The following TULP4 variants were observed in gnomAD, a reference collection of about 807,000 sequenced individuals.
TULP4 encodes the protein tubby-related protein 4.
A neutral mutation model predicts 129.0 loss-of-function variants in TULP4; 16 were observed. The ratio of observed to expected loss-of-function variants is 0.12; its 90% CI spans 0.08 to 0.19. TULP4 has a LOEUF of 0.19. Among genes scored for constraint, TULP4 ranks in the 10% least tolerant of loss-of-function variants. TULP4 has a pLI of 1.00. For missense variants in TULP4, 1,842 were observed against 2,059.1 expected, an observed-to-expected ratio of 0.89 and a Z score of 2.04; for synonymous variants, 998 against 854.0, an observed-to-expected ratio of 1.17 and a Z score of -2.94.
rs574773644 is a variant in TULP4 at position 158,401,471 on chromosome 6, C to A, written c.253-11594C>A. On this transcript the variant is annotated intron_variant, in intron 1 of 13. Coordinates refer to ENST00000367097, the MANE Select transcript of TULP4 (RefSeq NM_020245.5). ...ACGCAGTTTGCTTTTATCTGTGGAA[C>A]ATATTGTGTGTCAGAAGTGTGAAGT... 8.5e-5 allele frequency among the ~76,000 whole-genome samples: 13 copies of A among 152,260 alleles called. No homozygotes were observed. The East Asian group carries it at 2.3e-3, about 27-fold the overall frequency.
intron 1 of TULP4, among the ~76,000 whole-genome samples, chr6:158,330,263 T>C (rs1325410536): frequency 6.6e-6 from 1 of 152,250 alleles, no homozygotes; most frequent in Non-Finnish European, 1.5e-5. Context: ...GACAAGTCTC[T>C]TTCTTTTTGA....
At chr6:158,401,833 A>G (rs1297130836) in intron 1 of TULP4, among the ~76,000 whole-genome samples, 3 of 151,840 alleles carry the variant, frequency 2.0e-5, no homozygotes, top group African/African-American at 7.3e-5. Context: ...TTTAAAAAAT[A>G]TATAGGACTT....
At chr6:158,242,215 C>A in intron 1 of TULP4, 1 of 1,480,126 alleles carries the variant, frequency 6.8e-7, no homozygotes, top group Non-Finnish European at 9.4e-7. Context: ...GTGGCAAAGA[C>A]CTTCAGCTTT....
chr6:158,342,129 G>A (rs1037616879), intron 1 of TULP4, among the ~76,000 whole-genome samples: 12 of 152,212 alleles, frequency 7.9e-5, no homozygotes, highest in Non-Finnish European at 1.5e-4. Flanking sequence ...TGTTGGCCAG[G>A]CTGGTCTTGA....
In TULP4 at chr6:158,305,661, C is replaced by T. The variant is rs571927315; in HGVS notation, n.117-6390C>T. Among the ~76,000 whole-genome samples the T allele has an allele frequency of 2.7e-5, 4 of 149,680 alleles. 1 individual carries two copies. The highest frequency in any genetic ancestry group is 2.0e-4 in the East Asian group (1 of 5,106). On this transcript the variant is annotated intron_variant and non_coding_transcript_variant, in intron 1 of 1. Transcript: ENST00000432358. ...TCAAGGCTGCAGTGAGTTGTGATCA[C>T]GTCTCTGCACTCCAGCCCGAAAGAC...
chr6:158,359,301 T>C (rs950626277), intron 1 of TULP4, among the ~76,000 whole-genome samples: 1 of 152,186 alleles, frequency 6.6e-6, no homozygotes, highest in Admixed American at 6.5e-5. Flanking sequence ...GGTTATATTC[T>C]CAAAGGAAAC....
intron 1 of TULP4, among the ~76,000 whole-genome samples, chr6:158,236,795 C>CTTTTTTTTTTTTTTTTTTTTTTTTTT (rs71030149): frequency 9.5e-5 from 6 of 63,298 alleles, no homozygotes; most frequent in East Asian, 3.2e-4. Flanking sequence ...CAATTCTTTT[C>CTTTTTTTTTTTTTTTTTTTTTTTTTT]TTTTTTTTTT....
At chr6:158,452,329 G>A (rs545483128) in intron 5 of TULP4, 61 bp downstream of exon 5, 4 of 1,593,110 alleles carry the variant, frequency 2.5e-6, no homozygotes, top group African/African-American at 2.7e-5. Flanking sequence ...TTGCCTCAAG[G>A]CCGGTCTTGT....
chr6:158,402,648 G>A (rs978405759), intron 1 of TULP4, among the ~76,000 whole-genome samples: 2 of 152,174 alleles, frequency 1.3e-5, no homozygotes, highest in Admixed American at 6.5e-5. Flanking sequence ...TGTACATTTT[G>A]TTGTAGATCA....
At chr6:158,352,995 A>G (rs1780562554) in intron 1 of TULP4, among the ~76,000 whole-genome samples, 1 of 152,196 alleles carries the variant, frequency 6.6e-6, no homozygotes, top group African/African-American at 2.4e-5. Flanking sequence ...TAAATTTTAC[A>G]ATCATTTTTT....
chr6:158,274,999 G>C (rs887920559), intron 1 of TULP4, among the ~76,000 whole-genome samples: 4 of 152,182 alleles, frequency 2.6e-5, no homozygotes, highest in African/African-American at 7.2e-5. Context: ...GCTCCCTGAA[G>C]GCTAGAGTTT....
chr6:158,354,651 A>G (rs1444364356), intron 1 of TULP4, among the ~76,000 whole-genome samples: 2 of 152,250 alleles, frequency 1.3e-5, no homozygotes, highest in East Asian at 3.9e-4. Flanking sequence ...CCAGCACTTT[A>G]GGAGGCCAAG....
Position 158,313,947 on chromosome 6 carries a change from T to A in TULP4, c.-70T>A. 1 of 1,558,498 alleles carries A rather than the reference T, an allele frequency of 6.4e-7. No individual in the cohort carries two copies. The highest frequency in any genetic ancestry group is 8.7e-7 in the Non-Finnish European group (1 of 1,151,228). Reference sequence around the variant, plus strand: ...CCAACCACAAAAACACATATACCAATGAAAGAAATTGGTTTAAATTTCACA... The same window carrying A: ...CCAACCACAAAAACACATATACCAAAGAAAGAAATTGGTTTAAATTTCACA... On this transcript the variant is annotated 5_prime_UTR_variant, in exon 1 of 14. The change abolishes an upstream ATG in the 5' untranslated region. Transcript: ENST00000367097.
chr6:158,381,411 T>C (rs1777322715), intron 1 of TULP4, among the ~76,000 whole-genome samples: 1 of 152,212 alleles, frequency 6.6e-6, no homozygotes, highest in Non-Finnish European at 1.5e-5. Flanking sequence ...TTAAATGGGA[T>C]GATTAAAGGC....
At chr6:158,370,358 G>A (rs1038557294) in intron 1 of TULP4, among the ~76,000 whole-genome samples, 1 of 150,002 alleles carries the variant, frequency 6.7e-6, no homozygotes, top group Non-Finnish European at 1.5e-5. Flanking sequence ...TCAGGAGGCC[G>A]AGGCAGGAGA....
chr6:158,485,516 C>T (rs116634652), intron 8 of TULP4, among the ~76,000 whole-genome samples: 1,920 of 152,312 alleles, frequency 0.013, 45 homozygotes, highest in African/African-American at 0.043. Flanking sequence ...CTTTGACCAG[C>T]TGGGATGATG....
intron 1 of TULP4, among the ~76,000 whole-genome samples, chr6:158,343,674 G>A (rs1780238038): frequency 6.6e-6 from 1 of 152,138 alleles, no homozygotes; most frequent in African/African-American, 2.4e-5. Flanking sequence ...CCAGGACTGT[G>A]GGAAATAAAT....
chr6:158,246,928 C>T (rs1778041579), intron 1 of TULP4, among the ~76,000 whole-genome samples: 1 of 152,160 alleles, frequency 6.6e-6, no homozygotes, highest in Non-Finnish European at 1.5e-5. Flanking sequence ...TGTAGGTGTG[C>T]AGCAGTGCTG....
chr6:158,381,911 TG>T (rs1419996265), intron 1 of TULP4, among the ~76,000 whole-genome samples: 3 of 152,208 alleles, frequency 2.0e-5, no homozygotes, highest in Non-Finnish European at 4.4e-5. Flanking sequence ...CAGTTGTTAT[TG>T]TTTTTTTGTT....
Sources: allele counts gnomAD v4.1 joint callset (sites outside exome capture counted in the v4.1 genomes callset), GRCh38; gene constraint gnomAD v4.1.1; transcripts MANE v1.5; gene names NCBI Gene and HGNC (gene_info 2026-07-23, HGNC 2026-07-21).